Variants in DPF3 observed in about 807,000 individuals in gnomAD.
DPF3 encodes double PHD fingers 3.
Under a neutral mutation model 56.8 loss-of-function variants are expected in DPF3, and 18 were observed. The ratio of observed to expected loss-of-function variants is 0.32; its 90% CI spans 0.22 to 0.47. DPF3 has a LOEUF of 0.47. Ranked by LOEUF, DPF3 falls within the 20% of genes least tolerant of loss-of-function variation. DPF3 has a pLI of 1.00. For synonymous variants in DPF3, 188 were observed against 180.2 expected (o/e 1.04, Z -0.35); for missense variants, 403 against 488.8 (o/e 0.82, Z 1.65).
chr14:72,651,464 C>A (rs1885905707), intron 8 of DPF3, among the ~76,000 whole-genome samples: 1 of 152,180 alleles, frequency 6.6e-6, no homozygotes, highest in South Asian at 2.1e-4. Flanking sequence ...AAGGCTTTCA[C>A]AGAAGGGGAG....
intron 1 of DPF3, among the ~76,000 whole-genome samples, chr14:72,873,588 G>A (rs1052630391): frequency 2.9e-4 from 44 of 152,248 alleles, no homozygotes; most frequent in African/African-American, 1.0e-3. Flanking sequence ...TACCCAAAGG[G>A]TTATAAATCA....
intron 7 of DPF3, among the ~76,000 whole-genome samples, chr14:72,689,804 T>C (rs565566998): frequency 1.3e-5 from 2 of 151,990 alleles, no homozygotes; most frequent in East Asian, 1.9e-4. Flanking sequence ...TCCAGAGAAA[T>C]TGGGGGTGGG....
intron 7 of DPF3, among the ~76,000 whole-genome samples, chr14:72,692,838 TCCTC>T (rs1232833190): frequency 1.3e-5 from 2 of 152,092 alleles, no homozygotes; most frequent in Non-Finnish European, 2.9e-5. Flanking sequence ...TCACCTTCCT[TCCTC>T]TGGGAGCAGA....
At chr14:72,620,045 G>A (rs1022689254) in intron 9 of DPF3, 61 bp from the exon 10 acceptor site, 19 of 1,460,840 alleles carry the variant, frequency 1.3e-5, no homozygotes, top group South Asian at 1.4e-5. Context: ...GCCAATGTCT[G>A]GCCCCCGCTT....
At chr14:72,634,628 A>G (rs1470065078) in intron 8 of DPF3, among the ~76,000 whole-genome samples, 1 of 151,988 alleles carries the variant, frequency 6.6e-6, no homozygotes, top group African/African-American at 2.4e-5. Context: ...CTCTTTTGTA[A>G]AGTTAACCCT....
At chr14:72,837,044 G>GT (rs1000642850) in intron 1 of DPF3, among the ~76,000 whole-genome samples, 9 of 151,662 alleles carry the variant, frequency 5.9e-5, no homozygotes, top group African/African-American at 1.7e-4. Context: ...TAATTTTTGT[G>GT]TTTTTTAGTA....
chr14:72,820,151 G>A (rs1567244134), intron 1 of DPF3, among the ~76,000 whole-genome samples: 1 of 152,176 alleles, frequency 6.6e-6, no homozygotes, highest in Non-Finnish European at 1.5e-5. Context: ...TTTATTGAAT[G>A]TAAATTATAC....
At chr14:72,841,304 C>T (rs1884534330) in intron 1 of DPF3, among the ~76,000 whole-genome samples, 1 of 152,128 alleles carries the variant, frequency 6.6e-6, no homozygotes, top group African/African-American at 2.4e-5. Context: ...ACACCTGGTA[C>T]TGTGGTTGTT....
chr14:72,802,752 TA>T (rs1406471874), intron 1 of DPF3, among the ~76,000 whole-genome samples: 7 of 152,244 alleles, frequency 4.6e-5, no homozygotes, highest in African/African-American at 1.7e-4. Flanking sequence ...GAAGCAAGGC[TA>T]AAGACTGTTC....
intron 7 of DPF3, among the ~76,000 whole-genome samples, chr14:72,683,064 T>C (rs937269000): frequency 6.6e-6 from 1 of 152,194 alleles, no homozygotes. Flanking sequence ...CAGTGGCTCA[T>C]GCCTGTAATC....
At chr14:72,625,405 C>T (rs1884766239) in intron 9 of DPF3, among the ~76,000 whole-genome samples, 1 of 152,036 alleles carries the variant, frequency 6.6e-6, no homozygotes, top group African/African-American at 2.4e-5. Context: ...TTCCTGTGTC[C>T]TCTAGACGCA....
chr14:72,615,547 C>T lies in DPF3; in HGVS notation c.*3750G>A, dbSNP rs554241100. Among the ~76,000 whole-genome samples the T allele has an allele frequency of 2.6e-5, 4 of 152,206 alleles. No individual in the cohort carries two copies. The highest frequency in any genetic ancestry group is 4.4e-5 in the Non-Finnish European group (3 of 68,036). On this transcript the variant is annotated 3_prime_UTR_variant, in exon 11 of 11. Transcript: ENST00000556509. ...ATCACTGTGAAACCCAAACCCTCCC[C>T]CAACTTCAAAACCTGTTCTCTTCCC...
chr14:72,803,700 C>G (rs1299105122), intron 1 of DPF3, among the ~76,000 whole-genome samples: 1 of 152,168 alleles, frequency 6.6e-6, no homozygotes, highest in East Asian at 1.9e-4. Context: ...CCATCTAGTC[C>G]AGGACTAGCC....
chr14:72,678,086 A>G (rs1024766891), intron 7 of DPF3, among the ~76,000 whole-genome samples: 3 of 152,260 alleles, frequency 2.0e-5, no homozygotes, highest in African/African-American at 7.2e-5. Context: ...AAACTTTGTG[A>G]AGTAGGGAAT....
intron 3 of DPF3, among the ~76,000 whole-genome samples, chr14:72,732,862 T>C (rs1002447420): frequency 6.6e-6 from 1 of 152,050 alleles, no homozygotes; most frequent in Non-Finnish European, 1.5e-5. Context: ...CCTCCTTTCT[T>C]TCTTTCCATT....
At chr14:72,732,788 G>A (rs1051608587) in intron 3 of DPF3, among the ~76,000 whole-genome samples, 5 of 152,176 alleles carry the variant, frequency 3.3e-5, no homozygotes, top group African/African-American at 1.2e-4. Flanking sequence ...TGACCTGACA[G>A]AGGGTTGGTG....
intron 5 of DPF3, among the ~76,000 whole-genome samples, chr14:72,718,771 A>ATTTTTTTTTTTT (rs766396428): frequency 0.11 from 10,487 of 93,676 alleles, 2,559 homozygotes; most frequent in African/African-American, 0.3. Context: ...CACCCTTGCT[A>ATTTTTTTTTTTT]TTTTTTTTTT....
chr14:72,729,720 G>A (rs1375444728), intron 4 of DPF3, among the ~76,000 whole-genome samples: 1 of 152,198 alleles, frequency 6.6e-6, no homozygotes, highest in Non-Finnish European at 1.5e-5. Flanking sequence ...TCCTGGAAGA[G>A]GCAAAACTAT....
intron 8 of DPF3, among the ~76,000 whole-genome samples, chr14:72,673,696 C>G (rs571459604): frequency 6.6e-6 from 1 of 152,270 alleles, no homozygotes; most frequent in African/African-American, 2.4e-5. Flanking sequence ...CTATCGGGGT[C>G]TCTTCTGTTC....
Sources: gnomAD v4.1 joint callset for allele counts (sites outside exome capture counted in the v4.1 genomes callset) on GRCh38, gnomAD v4.1.1 for gene constraint, MANE v1.5 for transcripts, NCBI Gene and HGNC (gene_info 2026-07-23, HGNC 2026-07-21) for gene names.